SLC24A2: variants seen among roughly 807,000 people sequenced by gnomAD.
SLC24A2 encodes solute carrier family 24 member 2.
Under a neutral mutation model 62.0 loss-of-function variants are expected in SLC24A2, and 36 were observed. The observed-to-expected ratio is 0.58, with a 90% confidence interval of 0.44 to 0.77. The LOEUF (loss-of-function observed/expected upper bound fraction) is 0.77. SLC24A2 is among the 30% of genes least tolerant of loss of function. SLC24A2 has a pLI of 0.00. For missense variants in SLC24A2, 846 were observed against 817.9 expected (o/e 1.03, Z -0.42); for synonymous variants, 358 against 294.0 (o/e 1.22, Z -2.23).
At chr9:19,612,289 C>T (rs1269094587) in intron 4 of SLC24A2, among the ~76,000 whole-genome samples, 1 of 152,152 alleles carries the variant, frequency 6.6e-6, no homozygotes, top group East Asian at 1.9e-4. Flanking sequence ...CTCTGCCAGG[C>T]CTTGTTGTAA....
chr9:20,120,835 C>A, the SLC24A2 span, among the ~76,000 whole-genome samples: 18 of 151,918 alleles, frequency 1.2e-4, no homozygotes, highest in African/African-American at 4.3e-4. Flanking sequence ...TGACAGGGAT[C>A]AAGGTTGGTT....
chr9:20,243,336 A>G, the SLC24A2 span, among the ~76,000 whole-genome samples: 1 of 152,206 alleles, frequency 6.6e-6, no homozygotes, highest in Non-Finnish European at 1.5e-5. Flanking sequence ...CAGAATGCTG[A>G]CATACCAGCT....
intron 8 of SLC24A2, among the ~76,000 whole-genome samples, chr9:19,538,270 C>T (rs1197830132): frequency 1.4e-5 from 2 of 141,752 alleles, no homozygotes; most frequent in Non-Finnish European, 3.0e-5. Context: ...GAGGGCATCC[C>T]TGTCTTGTGC....
the SLC24A2 span, among the ~76,000 whole-genome samples, chr9:20,038,866 C>T: frequency 7.9e-5 from 12 of 152,082 alleles, no homozygotes; most frequent in East Asian, 1.9e-4. Context: ...AAAGATAAGT[C>T]GAGAAAAGTC....
chr9:20,277,287 A>T, the SLC24A2 span, among the ~76,000 whole-genome samples: 1 of 152,268 alleles, frequency 6.6e-6, no homozygotes, highest in Non-Finnish European at 1.5e-5. Flanking sequence ...CTACCATCAG[A>T]GTGAACAGGC....
chr9:19,810,497 C>A, the SLC24A2 span, among the ~76,000 whole-genome samples: 1 of 152,134 alleles, frequency 6.6e-6, no homozygotes, highest in Admixed American at 6.6e-5. Context: ...AAGAACTGAT[C>A]GGCTCTAATG....
chr9:19,520,600 T>C (rs1833147723), intron 10 of SLC24A2, among the ~76,000 whole-genome samples: 1 of 152,126 alleles, frequency 6.6e-6, no homozygotes, highest in African/African-American at 2.4e-5. Flanking sequence ...GGTATCTCAG[T>C]TCCACTTGAA....
chr9:19,563,878 G>A (rs1037676624), intron 7 of SLC24A2, among the ~76,000 whole-genome samples: 1 of 132,900 alleles, frequency 7.5e-6, no homozygotes, highest in Non-Finnish European at 1.6e-5. Context: ...TCCTTTCGAT[G>A]GGGTCTCCTT....
the SLC24A2 span, among the ~76,000 whole-genome samples, chr9:19,891,682 G>T: frequency 6.6e-6 from 1 of 152,238 alleles, no homozygotes; most frequent in East Asian, 1.9e-4. Context: ...AGAGTCCAAG[G>T]CTGCAGTGAG....
intron 2 of SLC24A2, among the ~76,000 whole-genome samples, chr9:19,732,216 C>A (rs1293243545): frequency 6.6e-6 from 1 of 152,170 alleles, no homozygotes. Flanking sequence ...CCCTAGTGGG[C>A]ACATTATGTC....
chr9:20,107,766 A>G, the SLC24A2 span, among the ~76,000 whole-genome samples: 21 of 152,252 alleles, frequency 1.4e-4, no homozygotes, highest in East Asian at 4.1e-3. Context: ...AGGCATTACC[A>G]TTCAGGACAT....
At chr9:19,963,468 A>C in the SLC24A2 span, among the ~76,000 whole-genome samples, 2 of 150,774 alleles carry the variant, frequency 1.3e-5, no homozygotes, top group African/African-American at 4.8e-5. Flanking sequence ...CAACCTACTC[A>C]TCTGACAAAG....
At chr9:20,213,208 C>CTT in the SLC24A2 span, among the ~76,000 whole-genome samples, 5 of 151,710 alleles carry the variant, frequency 3.3e-5, no homozygotes, top group Non-Finnish European at 5.9e-5. Context: ...ATAAATTCCA[C>CTT]CCATTTGGAA....
the SLC24A2 span, among the ~76,000 whole-genome samples, chr9:20,043,140 G>A: frequency 9.5e-4 from 145 of 152,272 alleles, no homozygotes; most frequent in African/African-American, 2.7e-3. Context: ...AAGGCATGTC[G>A]AAAGCTGAGA....
At chr9:19,742,460 A>C (rs1821708511) in intron 2 of SLC24A2, among the ~76,000 whole-genome samples, 1 of 152,206 alleles carries the variant, frequency 6.6e-6, no homozygotes, top group Non-Finnish European at 1.5e-5. Context: ...TTAAACTGAT[A>C]GATAATGCCC....
At chr9:19,550,643 CAG>C (rs559503742) in intron 7 of SLC24A2, among the ~76,000 whole-genome samples, 83 of 152,016 alleles carry the variant, frequency 5.5e-4, no homozygotes, top group African/African-American at 1.4e-3. Flanking sequence ...TCCTTGAAGA[CAG>C]AGTCACAAGC....
intron 9 of SLC24A2, among the ~76,000 whole-genome samples, chr9:19,527,802 C>A (rs1311282212): frequency 6.6e-6 from 1 of 152,130 alleles, no homozygotes. Flanking sequence ...GCTGCAGAGG[C>A]AAGAAGTAGT....
At chr9:19,542,934 G>C (rs1312023316) in intron 8 of SLC24A2, among the ~76,000 whole-genome samples, 1 of 152,154 alleles carries the variant, frequency 6.6e-6, no homozygotes, top group Non-Finnish European at 1.5e-5. Flanking sequence ...TTGGTATCAG[G>C]ATGATGCTGG....
intron 2 of SLC24A2, among the ~76,000 whole-genome samples, chr9:19,783,295 G>A (rs780646385): frequency 2.0e-5 from 3 of 152,138 alleles, no homozygotes; most frequent in South Asian, 2.1e-4. Flanking sequence ...AAACTCCCAT[G>A]TCCCATAATT....
Sources: allele counts gnomAD v4.1 joint callset (sites outside exome capture counted in the v4.1 genomes callset), GRCh38; gene constraint gnomAD v4.1.1; transcripts MANE v1.5; gene names NCBI Gene and HGNC (gene_info 2026-07-23, HGNC 2026-07-21).